Variants in USP40 observed in about 807,000 individuals in gnomAD.
USP40 encodes ubiquitin carboxyl-terminal hydrolase 40.
A neutral mutation model predicts 166.2 loss-of-function variants in USP40; 143 were observed. The ratio of observed to expected loss-of-function variants is 0.86; its 90% CI spans 0.75 to 0.99. USP40 has a LOEUF of 0.99. USP40 is among the 50% of genes least tolerant of loss of function. The pLI is 0.00. For missense variants in USP40, 1,444 were observed against 1,479.7 expected, an observed-to-expected ratio of 0.98 and a Z score of 0.40; for synonymous variants, 498 against 524.0, an observed-to-expected ratio of 0.95 and a Z score of 0.68.
rs1216234726 is a variant in USP40, at chr2:233,519,638, C to A, written c.2359G>T (p.Glu787Ter). The A allele has an allele frequency of 7.0e-7, 1 of 1,435,784 alleles. No individual in the cohort carries two copies. Among genetic ancestry groups the A allele is most frequent in the East Asian group, 2.5e-5 (1 of 39,896 alleles). The allele number at this position is 1,435,784 out of a possible 1,614,324, so 88.9% of individuals were successfully genotyped here. Residue 787 changes from glutamate to a stop codon, truncating the protein, a stop_gained, in exon 18 of 32, where the codon GAA (glutamate) becomes TAA (stop). Transcript: ENST00000678225. LOFTEE classifies it high-confidence loss of function. ...CCTAGTTCCTTCATTAATTTTAATT[C>A]CTTTATGGCTTTAATTCGAATATCA... is the stretch of plus-strand genomic sequence containing the variant. ...VFDIRIKAIKELKLMKELADN... is the reference protein window; with the variant it reads ...VFDIRIKAIK
At chr2:233,551,616 G>T in intron 6 of USP40, 97 bp from the exon 7 acceptor site, 7 of 1,168,182 alleles carry the variant, frequency 6.0e-6, no homozygotes, top group Non-Finnish European at 8.2e-6. Flanking sequence ...CTATGACACA[G>T]TTCTAAGAGA....
rs111292229 is a variant in USP40, at chr2:233,503,830, A to G, written c.2614-3915T>C. Among the ~76,000 whole-genome samples, 1,055 of 152,340 alleles carry G rather than the reference A, an allele frequency of 6.9e-3. 10 individuals are homozygous for G. The highest frequency in any genetic ancestry group is 0.024 in the African/African-American group (983 of 41,588). ...TACTATCATGAAAACACATGAAAGTATAAAACTCACAAGTATAGGTAAATT... is the reference window on the plus strand; with the variant it reads ...TACTATCATGAAAACACATGAAAGTGTAAAACTCACAAGTATAGGTAAATT... On this transcript the variant is annotated intron_variant, in intron 21 of 31. Transcript: ENST00000678225.
In USP40 at chr2:233,485,978, CT is replaced by C; in HGVS notation, c.3198-2del. ...TGTCCTCAGCAGCACGTCCTGGGGG[CT>C]GTACCAGAAAACCGTCAAGCGCCAG... On this transcript the variant is annotated splice_acceptor_variant, in intron 28 of 31. Transcript: ENST00000678225. LOFTEE classifies it high-confidence loss of function. 1 of 1,568,126 alleles carries C rather than the reference CT, an allele frequency of 6.4e-7. No homozygotes were observed. The highest frequency in any genetic ancestry group is 8.6e-7 in the Non-Finnish European group (1 of 1,160,080).
At chr2:233,489,285 CT>C (rs1453559740) in intron 27 of USP40, 79 bp downstream of exon 27, 2 of 1,326,832 alleles carry the variant, frequency 1.5e-6, no homozygotes, top group Non-Finnish European at 2.1e-6. Context: ...GCTCAGAAGA[CT>C]GATTCCTCCT....
At position 233,481,191 on chromosome 2, in the gene USP40, C is replaced by T. The variant is rs375072962; in HGVS notation, c.3599+12G>A. On this transcript the variant is annotated intron_variant, in intron 31 of 31. Transcript: ENST00000678225. ...CTGTCAGCTGCACATCTGTGCAGAC[C>T]CCAGCAATTACCTTTTCCTTCTCCC... 9 of 1,594,436 alleles carry T rather than the reference C, an allele frequency of 5.6e-6. No individual in the cohort carries two copies. The highest frequency in any genetic ancestry group is 2.7e-5 in the African/African-American group (2 of 74,690).
intron 18 of USP40, among the ~76,000 whole-genome samples, chr2:233,519,185 T>G (rs1404933889): frequency 6.6e-6 from 1 of 152,218 alleles, no homozygotes; most frequent in African/African-American, 2.4e-5. Context: ...GTTATAGAAC[T>G]CTACACATTT....
Position 233,485,894 on chromosome 2 carries a change from G to A in USP40, c.3281C>T (p.Ala1094Val), listed in dbSNP as rs751081140. 5 of 1,603,504 alleles carry A rather than the reference G, an allele frequency of 3.1e-6. No individual in the cohort carries two copies. The highest frequency in any genetic ancestry group is 4.3e-6 in the Non-Finnish European group (5 of 1,175,518). The change falls in exon 29 of 32, where the codon GCG becomes GTG. Residue 1094 changes from alanine to valine, a missense_variant. Coordinates refer to ENST00000678225, the MANE Select transcript of USP40 (RefSeq NM_001365479.2). The part of the protein sequence containing the change: ...YAPALDLVWN[A>V]AQGGTAGSLR... Reference sequence around the variant, plus strand: ...GGAGCCGGCAGTCCCACCCTGGGCCGCGTTCCACACCAGGTCCAGGGCAGG... The same window carrying A: ...GGAGCCGGCAGTCCCACCCTGGGCCACGTTCCACACCAGGTCCAGGGCAGG...
rs529065040 is a variant in USP40, at chr2:233,521,711, G to A, written c.2202-597C>T. Among the ~76,000 whole-genome samples the A allele has an allele frequency of 1.8e-4, 28 of 152,272 alleles. No individual in the cohort carries two copies. The East Asian group carries it at 4.4e-3, about 24-fold the overall frequency. ...TAATGGGCTTGCCGAAGTCCTCTTT[G>A]GGAATGTACATTAGAGCTCTGAAAC... On this transcript the variant is annotated intron_variant, in intron 16 of 31. Coordinates refer to ENST00000678225, the MANE Select transcript of USP40 (RefSeq NM_001365479.2).
At chr2:233,529,066 T>G (rs1256021152) in intron 12 of USP40, among the ~76,000 whole-genome samples, 5 of 152,214 alleles carry the variant, frequency 3.3e-5, no homozygotes, top group Admixed American at 3.3e-4. Context: ...CTACAACTAC[T>G]TACCTATGAG....
rs74375154 is a variant in USP40 at position 233,518,666 on chromosome 2, G to T, written c.2383+948C>A. Among the ~76,000 whole-genome samples, 964 of 152,122 alleles carry T rather than the reference G, an allele frequency of 6.3e-3. 22 individuals carry two copies. The East Asian group carries it at 0.084, about 13-fold the overall frequency. The stretch of plus-strand genomic sequence containing the variant: ...CACACTGCTAGTGGGAGTATAAATG[G>T]TTCAGTCACTTTGGATAATAGTGCG... On this transcript the variant is annotated intron_variant, in intron 18 of 31. Coordinates refer to ENST00000678225, the MANE Select transcript of USP40 (RefSeq NM_001365479.2).
chr2:233,529,607 C>T, intron 11 of USP40, 95 bp from the exon 12 acceptor site: 3 of 739,214 alleles, frequency 4.1e-6, no homozygotes, highest in Non-Finnish European at 6.3e-6. Context: ...GTCCTAGGAG[C>T]TAGGAAAGCT....
chr2:233,503,459 T>A (rs1339672872), intron 21 of USP40, among the ~76,000 whole-genome samples: 1 of 152,054 alleles, frequency 6.6e-6, no homozygotes, highest in Non-Finnish European at 1.5e-5. Context: ...CACAAAAAGA[T>A]CCTCTTTGGG....
intron 10 of USP40, 49 bp from the exon 11 acceptor site, chr2:233,533,828 A>G: frequency 7.0e-7 from 1 of 1,437,946 alleles, no homozygotes; most frequent in Admixed American, 2.7e-5. Context: ...TTAAACAAAA[A>G]TTAGATGTGA....
In USP40 at chr2:233,504,450, T is replaced by C. The variant is rs575865476; in HGVS notation, c.2614-4535A>G. Among the ~76,000 whole-genome samples, 11 of 152,114 alleles carry C rather than the reference T, an allele frequency of 7.2e-5. No individual in the cohort carries two copies. In the South Asian group the frequency reaches 1.5e-3, roughly 20 times the overall value. On this transcript the variant is annotated intron_variant, in intron 21 of 31. Coordinates refer to ENST00000678225, the MANE Select transcript of USP40 (RefSeq NM_001365479.2). ...CTGAAAGTGAAGGGATGGAAAAAGA[T>C]AGTCCATGCAAATAGAAACCAAAAG...
chr2:233,537,002 G>A (rs116431002), intron 10 of USP40, among the ~76,000 whole-genome samples: 2,113 of 152,024 alleles, frequency 0.014, 58 homozygotes, highest in African/African-American at 0.049. Context: ...CTCCACCCCA[G>A]CTTCCCAAAT....
chr2:233,564,956 C>T (rs1004288722), intron 2 of USP40, among the ~76,000 whole-genome samples: 1 of 152,172 alleles, frequency 6.6e-6, no homozygotes. Flanking sequence ...ATATGACACC[C>T]TTCCCCACTC....
chr2:233,486,324 G>T lies in USP40; in HGVS notation c.3198-347C>A, dbSNP rs1215872412. On this transcript the variant is annotated intron_variant, in intron 28 of 31. Transcript: ENST00000678225. This position sits in a 1 kb window ranked among gnomAD's most constrained non-coding sequence, Gnocchi z 4.0. ...TGAGAGAGGCCTGGCTTGATAGCCC[G>T]GCAGCTGGCAGGAGGAGAGCGGGCT... is the stretch of plus-strand genomic sequence containing the variant. 6.6e-6 allele frequency among the ~76,000 whole-genome samples: 1 copy of T among 152,184 alleles called. No individual in the cohort carries two copies. Among genetic ancestry groups the T allele is most frequent in the African/African-American group, 2.4e-5 (1 of 41,446 alleles).
chr2:233,524,584 G>A, intron 14 of USP40, 22 bp from the exon 15 acceptor site: 1 of 1,552,734 alleles, frequency 6.4e-7, no homozygotes, highest in Non-Finnish European at 8.7e-7. Context: ...TCACCAGTGA[G>A]ACCATTCATC....
intron 8 of USP40, 180 bp from the exon 9 acceptor site, chr2:233,542,543 C>T: frequency 2.1e-6 from 1 of 482,514 alleles, no homozygotes; most frequent in Non-Finnish European, 3.7e-6. Flanking sequence ...GACCAGCACA[C>T]TCTACAAAAA....
Sources: gnomAD v4.1 joint callset for allele counts (sites outside exome capture counted in the v4.1 genomes callset) on GRCh38, gnomAD v4.1.1 for gene constraint, Gnocchi (gnomAD v3.1) non-coding constraint, MANE v1.5 for transcripts, NCBI Gene and HGNC (gene_info 2026-07-23, HGNC 2026-07-21) for gene names.